The following HAUS6 variants were observed in gnomAD, a reference collection of about 807,000 sequenced individuals.
The protein encoded by HAUS6 is HAUS augmin-like complex subunit 6.
In HAUS6, 80 loss-of-function variants were observed where a neutral mutation model predicts 106.8. The observed-to-expected ratio is 0.75, with a 90% confidence interval of 0.63 to 0.90. The LOEUF is 0.90. HAUS6 is among the 40% of genes least tolerant of loss of function. The pLI is 0.00. For missense variants in HAUS6, 1,155 were observed against 1,118.1 expected, an observed-to-expected ratio of 1.03 and a Z score of -0.47; for synonymous variants, 356 against 379.1, an observed-to-expected ratio of 0.94 and a Z score of 0.71.
intron 12 of HAUS6, among the ~76,000 whole-genome samples, chr9:19,069,193 A>G (rs1418671904): frequency 1.3e-5 from 2 of 152,334 alleles, no homozygotes; most frequent in East Asian, 3.9e-4. Context: ...AAAGGCCCCC[A>G]AACACTTGAA....
intron 5 of HAUS6, 57 bp from the exon 6 acceptor site, chr9:19,087,213 C>T (rs1281948033): frequency 1.1e-6 from 1 of 936,916 alleles, no homozygotes; most frequent in Non-Finnish European, 1.8e-6. Context: ...ATTAGTATAG[C>T]CCACTTCTCT....
At chr9:19,097,706 T>C (rs1817893590) in intron 1 of HAUS6, among the ~76,000 whole-genome samples, 1 of 151,382 alleles carries the variant, frequency 6.6e-6, no homozygotes, top group Admixed American at 6.6e-5. Context: ...ACCATCTTTA[T>C]AACATAATGC....
At chr9:19,096,280 T>G (rs1236569853) in intron 2 of HAUS6, among the ~76,000 whole-genome samples, 1 of 152,150 alleles carries the variant, frequency 6.6e-6, no homozygotes, top group Non-Finnish European at 1.5e-5. Flanking sequence ...AAATTCTGGC[T>G]TATGCCGGGC....
intron 5 of HAUS6, among the ~76,000 whole-genome samples, chr9:19,088,713 C>CAA (rs111426176): frequency 1.7e-5 from 2 of 114,394 alleles, no homozygotes; most frequent in African/African-American, 3.3e-5. Context: ...ACTATAAATA[C>CAA]AAAAAAAAAA....
chr9:19,096,846 C>T, intron 1 of HAUS6, 77 bp from the exon 2 acceptor site: 1 of 634,854 alleles, frequency 1.6e-6, no homozygotes, highest in Admixed American at 3.2e-5. Flanking sequence ...CTGAGTAAGA[C>T]TTTGACACAA....
chr9:19,067,223 T>C (rs1250238745), intron 12 of HAUS6, among the ~76,000 whole-genome samples: 2 of 152,210 alleles, frequency 1.3e-5, no homozygotes, highest in African/African-American at 4.8e-5. Flanking sequence ...GCAGATAAAA[T>C]AGTGTAATTG....
intron 11 of HAUS6, among the ~76,000 whole-genome samples, chr9:19,070,998 G>C (rs1588605992): frequency 6.6e-6 from 1 of 152,188 alleles, no homozygotes; most frequent in African/African-American, 2.4e-5. Flanking sequence ...AAGATTGGTA[G>C]AGAAAGCCAT....
intron 2 of HAUS6, among the ~76,000 whole-genome samples, chr9:19,095,484 G>C (rs762963599): frequency 3.4e-5 from 5 of 146,932 alleles, no homozygotes; most frequent in Non-Finnish European, 7.4e-5. Context: ...CTTAAAATGA[G>C]CCATAATGTT....
intron 15 of HAUS6, 33 bp downstream of exon 15, chr9:19,060,055 A>AC: frequency 6.4e-7 from 1 of 1,564,240 alleles, no homozygotes; most frequent in African/African-American, 1.4e-5. Context: ...TGTCGATGAA[A>AC]GAAAAAAGTA....
At chr9:19,101,073 T>C (rs765123049) in intron 1 of HAUS6, among the ~76,000 whole-genome samples, 2 of 152,174 alleles carry the variant, frequency 1.3e-5, no homozygotes, top group Middle Eastern at 3.2e-3. Flanking sequence ...TATTTTAAAA[T>C]AGCTAGAAAA....
At chr9:19,086,402 T>C (rs987807607) in intron 7 of HAUS6, among the ~76,000 whole-genome samples, 16 of 151,340 alleles carry the variant, frequency 1.1e-4, no homozygotes, top group African/African-American at 3.9e-4. Flanking sequence ...ATGCAGATCA[T>C]CTGAGCTCAA....
intron 11 of HAUS6, among the ~76,000 whole-genome samples, chr9:19,075,024 G>C (rs1173550516): frequency 2.0e-5 from 3 of 152,166 alleles, no homozygotes; most frequent in Non-Finnish European, 4.4e-5. Context: ...AACAAAATGT[G>C]GTAGAGGATA....
At chr9:19,061,295 TAAAG>T (rs954971807) in intron 14 of HAUS6, among the ~76,000 whole-genome samples, 1 of 152,218 alleles carries the variant, frequency 6.6e-6, no homozygotes, top group African/African-American at 2.4e-5. Context: ...TAAACACTCT[TAAAG>T]AAAATTAATT....
At chr9:19,072,925 C>T in intron 11 of HAUS6, among the ~76,000 whole-genome samples, 1 of 151,836 alleles carries the variant, frequency 6.6e-6, no homozygotes, top group Non-Finnish European at 1.5e-5. Flanking sequence ...AATGAACTAA[C>T]CCTCCCTGGA....
At chr9:19,077,341 C>A (rs994692000) in intron 10 of HAUS6, among the ~76,000 whole-genome samples, 3 of 152,122 alleles carry the variant, frequency 2.0e-5, no homozygotes, top group Non-Finnish European at 4.4e-5. Flanking sequence ...TCGAGACCAG[C>A]CTGGCCAACG....
intron 10 of HAUS6, among the ~76,000 whole-genome samples, chr9:19,077,924 G>C (rs1043968529): frequency 6.6e-6 from 1 of 152,086 alleles, no homozygotes; most frequent in Non-Finnish European, 1.5e-5. Flanking sequence ...AGCCAGGCTT[G>C]GTGGTGCAAA....
At chr9:19,100,012 G>A (rs1347847821) in intron 1 of HAUS6, among the ~76,000 whole-genome samples, 5 of 152,194 alleles carry the variant, frequency 3.3e-5, no homozygotes, top group Non-Finnish European at 7.3e-5. Context: ...GGCTAAGATG[G>A]AGAAACCCGG....
At chr9:19,071,199 C>G (rs1836875166) in intron 11 of HAUS6, among the ~76,000 whole-genome samples, 1 of 152,066 alleles carries the variant, frequency 6.6e-6, no homozygotes, top group South Asian at 2.1e-4. Context: ...CCTATGACTA[C>G]TAAATACTAG....
chr9:19,099,153 T>G lies in HAUS6; in HGVS notation c.129-2384A>C, dbSNP rs540835217. On this transcript the variant is annotated intron_variant, in intron 1 of 16. Transcript: ENST00000380502. ...AGTGAATAAAAAATAATGGGGTTTTTTTTGTTTGTTTTTTTGTGTTTTTTT... is the reference window on the plus strand; with the variant it reads ...AGTGAATAAAAAATAATGGGGTTTTGTTTGTTTGTTTTTTTGTGTTTTTTT... 1.1e-4 allele frequency among the ~76,000 whole-genome samples: 17 copies of G among 150,668 alleles called. No homozygotes were observed. In the South Asian group the frequency reaches 3.3e-3, roughly 30 times the overall value.
Sources: allele counts gnomAD v4.1 joint callset (sites outside exome capture counted in the v4.1 genomes callset), GRCh38; gene constraint gnomAD v4.1.1; transcripts MANE v1.5; gene names NCBI Gene and HGNC (gene_info 2026-07-23, HGNC 2026-07-21).